The following CCR6 variants were observed in gnomAD, a reference collection of about 807,000 sequenced individuals.
The protein encoded by CCR6 is C-C chemokine receptor type 6.
A neutral mutation model predicts 3.0 loss-of-function variants in CCR6; 2 were observed. The observed-to-expected ratio is 0.66, with a 90% CI of 0.27 to 2.07. The LOEUF is 2.07. Among genes scored for constraint, CCR6 ranks in the 30% most tolerant of loss-of-function variants. CCR6 has a pLI of 0.14. For missense variants in CCR6, 322 were observed against 462.8 expected (o/e 0.70, Z 2.79); for synonymous variants, 193 against 184.3 (o/e 1.05, Z -0.38).
chr6:167,114,537 A>G (rs1781464620), intron 1 of CCR6, among the ~76,000 whole-genome samples: 1 of 152,106 alleles, frequency 6.6e-6, no homozygotes, highest in Admixed American at 6.5e-5. Context: ...GCATCACTTC[A>G]TATTTCGGAG....
chr6:167,117,636 C>G (rs538444529), intron 1 of CCR6, among the ~76,000 whole-genome samples: 4 of 151,550 alleles, frequency 2.6e-5, no homozygotes, highest in Non-Finnish European at 5.9e-5. Context: ...AGGATGGTCT[C>G]GATCTCCTGA....
In CCR6 at chr6:167,137,632, G is replaced by C. The variant is rs41501544; in HGVS notation, c.*277G>C. On this transcript the variant is annotated 3_prime_UTR_variant, in exon 3 of 3. Transcript: ENST00000341935. This position sits in a 1 kb window ranked among gnomAD's most constrained non-coding sequence, Gnocchi z 4.6. Reference sequence around the variant, plus strand: ...CACAAAACAGCCTTTGGGAAATGCTGAATTAAAGTGAATTGTTGACAAATG... The same window carrying C: ...CACAAAACAGCCTTTGGGAAATGCTCAATTAAAGTGAATTGTTGACAAATG... 0.015 allele frequency: 4,221 copies of C among 289,992 alleles called. 156 individuals carry two copies. Among genetic ancestry groups the C allele is most frequent in the African/African-American group, 0.081 (3,788 of 46,840 alleles). The allele number at this position is 289,992 out of a possible 1,614,324, so 18.0% of individuals were successfully genotyped here.
intron 1 of CCR6, among the ~76,000 whole-genome samples, chr6:167,130,203 G>A (rs994227457): frequency 6.6e-6 from 1 of 151,812 alleles, no homozygotes; most frequent in African/African-American, 2.4e-5. Flanking sequence ...CAAAGAGACA[G>A]TGTGAGATGT....
intron 1 of CCR6, among the ~76,000 whole-genome samples, chr6:167,112,349 T>A (rs1781428648): frequency 6.6e-6 from 1 of 152,128 alleles, no homozygotes; most frequent in African/African-American, 2.4e-5. Flanking sequence ...CATGGAGGGT[T>A]GGGAGGCAGA....
chr6:167,137,362 G>C lies in CCR6; in HGVS notation c.*7G>C, dbSNP rs367637187. ...GTCGTCCTTCACTATGTGATAGAAA[G>C]CTGAGTCTCCCTAAGGCATGTGTGA... On this transcript the variant is annotated 3_prime_UTR_variant, in exon 3 of 3. Transcript: ENST00000341935. This position sits in a 1 kb window ranked among gnomAD's most constrained non-coding sequence, Gnocchi z 4.6. 8.7e-6 allele frequency: 14 copies of C among 1,604,188 alleles called. No individual in the cohort carries two copies. The highest frequency in any genetic ancestry group is 1.2e-5 in the Non-Finnish European group (14 of 1,176,498).
At chr6:167,113,192 G>A (rs758471154) in intron 1 of CCR6, among the ~76,000 whole-genome samples, 1 of 152,042 alleles carries the variant, frequency 6.6e-6, no homozygotes, top group African/African-American at 2.4e-5. Flanking sequence ...TAGATACCAC[G>A]AAGCCTGTAC....
At chr6:167,126,690 T>C (rs1046905550) in intron 1 of CCR6, 5 of 152,302 alleles carry the variant, frequency 3.3e-5, no homozygotes, top group Admixed American at 3.3e-4. Flanking sequence ...GTGATATTCT[T>C]TGGCTGTGTC....
intron 1 of CCR6, chr6:167,126,208 A>G (rs1046132101): frequency 6.6e-6 from 1 of 152,234 alleles, no homozygotes; most frequent in Non-Finnish European, 1.5e-5. Flanking sequence ...CTCTAAAAAA[A>G]GGTAGTTTAT....
intron 1 of CCR6, among the ~76,000 whole-genome samples, chr6:167,129,305 G>A (rs1427390526): frequency 6.6e-6 from 1 of 152,148 alleles, no homozygotes; most frequent in Non-Finnish European, 1.5e-5. Flanking sequence ...TTTATTGACT[G>A]TTACCACCAA....
chr6:167,137,061 G>A lies in CCR6; in HGVS notation c.831G>A (p.Thr277=), dbSNP rs758349006. The part of the protein sequence containing the change: ...QIPHNMVLLV[T]AANLGKMNRS... ...CTCATAACATGGTCCTGCTTGTGACGGCTGCAAATTTGGGTAAAATGAACC... is the reference window on the plus strand; with the variant it reads ...CTCATAACATGGTCCTGCTTGTGACAGCTGCAAATTTGGGTAAAATGAACC... The change falls in exon 3 of 3, where the codon ACG becomes ACA. Residue 277 remains threonine, a synonymous_variant. Transcript: ENST00000341935. This position sits in a 1 kb window ranked among gnomAD's most constrained non-coding sequence, Gnocchi z 4.6. 8 of 1,614,108 alleles carry A rather than the reference G, an allele frequency of 5.0e-6. No individual in the cohort carries two copies. The highest frequency in any genetic ancestry group is 2.2e-5 in the East Asian group (1 of 44,878).
At chr6:167,125,417 G>T (rs41336844) in intron 1 of CCR6, among the ~76,000 whole-genome samples, 3,148 of 152,300 alleles carry the variant, frequency 0.021, 95 homozygotes, top group African/African-American at 0.071. Flanking sequence ...TCTTCTTGGG[G>T]AGCCCCCCAC....
At chr6:167,127,858 C>T (rs140694495) in intron 1 of CCR6, among the ~76,000 whole-genome samples, 1 of 152,198 alleles carries the variant, frequency 6.6e-6, no homozygotes, top group Admixed American at 6.5e-5. Flanking sequence ...GTACTATTTG[C>T]ATGTTTACAA....
At chr6:167,134,645 A>G (rs1781822039) in intron 1 of CCR6, among the ~76,000 whole-genome samples, 1 of 146,476 alleles carries the variant, frequency 6.8e-6, no homozygotes, top group Non-Finnish European at 1.5e-5. Flanking sequence ...GATATGACAC[A>G]GTGTGGGGGC....
chr6:167,129,669 G>A (rs1781722787), intron 1 of CCR6: 1 of 151,620 alleles, frequency 6.6e-6, no homozygotes, highest in Non-Finnish European at 1.5e-5. Flanking sequence ...CTTGTCTTCA[G>A]AACATGTGAT....
chr6:167,112,697 G>A (rs771275262), intron 1 of CCR6, among the ~76,000 whole-genome samples: 1 of 152,104 alleles, frequency 6.6e-6, no homozygotes, highest in South Asian at 2.1e-4. Flanking sequence ...GGCAGCAGGC[G>A]GCATCACAGG....
chr6:167,124,003 T>C (rs1781628348), intron 1 of CCR6, among the ~76,000 whole-genome samples: 1 of 152,032 alleles, frequency 6.6e-6, no homozygotes, highest in Non-Finnish European at 1.5e-5. Flanking sequence ...TCCCAGCTAC[T>C]TGGGAGGCTG....
At chr6:167,135,726 G>A (rs1469455632) in intron 1 of CCR6, among the ~76,000 whole-genome samples, 1 of 152,154 alleles carries the variant, frequency 6.6e-6, no homozygotes, top group African/African-American at 2.4e-5. Context: ...TCAAGGGTTG[G>A]CAAATTATAG....
At chr6:167,118,415 G>A (rs1363237491), upstream of CCR6, among the ~76,000 whole-genome samples, 1 of 152,116 alleles carries the variant, frequency 6.6e-6, no homozygotes, top group Non-Finnish European at 1.5e-5. Context: ...TCAGTTACAC[G>A]AGACATCAAT....
chr6:167,117,479 C>T (rs1256292410), intron 1 of CCR6, among the ~76,000 whole-genome samples: 2 of 141,176 alleles, frequency 1.4e-5, no homozygotes, highest in Admixed American at 7.6e-5. Context: ...CGCAGTGGCA[C>T]GATCTCGACT....
Sources: allele counts gnomAD v4.1 joint callset (sites outside exome capture counted in the v4.1 genomes callset), GRCh38; gene constraint gnomAD v4.1.1; non-coding constraint Gnocchi (gnomAD v3.1); transcripts MANE v1.5; gene names NCBI Gene and HGNC (gene_info 2026-07-23, HGNC 2026-07-21).